Variants in SERINC5 observed in about 807,000 individuals in gnomAD.
SERINC5 encodes the protein chromosome 5 open reading frame 12.
A neutral mutation model predicts 63.1 loss-of-function variants in SERINC5; 41 were observed. The observed-to-expected ratio is 0.65, with a 90% CI of 0.51 to 0.84. SERINC5 has a LOEUF of 0.84. Ranked by LOEUF, SERINC5 falls within the 40% of genes least tolerant of loss-of-function variation. SERINC5 has a pLI of 0.00. For missense variants in SERINC5, 523 were observed against 573.0 expected (o/e 0.91, Z 0.89); for synonymous variants, 222 against 215.2 (o/e 1.03, Z -0.28).
At chr5:80,229,603 C>CAA (rs1373953469) in intron 1 of SERINC5, among the ~76,000 whole-genome samples, 1 of 151,176 alleles carries the variant, frequency 6.6e-6, no homozygotes, top group Non-Finnish European at 1.5e-5. Context: ...TACAAAAACA[C>CAA]AGACATTCTG....
At chr5:80,148,189 C>CT (rs796769914) in intron 9 of SERINC5, among the ~76,000 whole-genome samples, 3,958 of 102,322 alleles carry the variant, frequency 0.039, 199 homozygotes, top group African/African-American at 0.1. Flanking sequence ...ATTTTTTATT[C>CT]TTTTTTTTTT....
intron 1 of SERINC5, among the ~76,000 whole-genome samples, chr5:80,229,308 G>A (rs529253436): frequency 1.7e-4 from 26 of 149,514 alleles, no homozygotes; most frequent in Admixed American, 1.7e-3. Context: ...ACAGGGGTGA[G>A]CCACCATTCC....
At chr5:80,111,370 A>C (rs61127997), downstream of SERINC5, among the ~76,000 whole-genome samples, 11,971 of 152,232 alleles carry the variant, frequency 0.079, 1,546 homozygotes, top group African/African-American at 0.27. Context: ...GTCTTACAGA[A>C]GTAAAACAGG....
At chr5:80,112,080 G>A (rs1052885246) in intron 12 of SERINC5, among the ~76,000 whole-genome samples, 11 of 152,212 alleles carry the variant, frequency 7.2e-5, no homozygotes, top group African/African-American at 2.4e-4. Context: ...GACAGCCTGA[G>A]ATATGTCCTC....
intron 7 of SERINC5, among the ~76,000 whole-genome samples, chr5:80,160,328 A>G (rs1746802024): frequency 6.6e-6 from 1 of 152,190 alleles, no homozygotes; most frequent in South Asian, 2.1e-4. Flanking sequence ...GATTCCTATA[A>G]TATAACCATC....
At chr5:80,138,715 C>T, downstream of SERINC5, 1 of 654,674 alleles carries the variant, frequency 1.5e-6, no homozygotes, top group Non-Finnish European at 1.9e-6. Flanking sequence ...ATACATATTT[C>T]AAAACATCAT....
chr5:80,154,234 C>G (rs1318481637), intron 8 of SERINC5, among the ~76,000 whole-genome samples: 1 of 151,776 alleles, frequency 6.6e-6, no homozygotes, highest in Non-Finnish European at 1.5e-5. Context: ...GGCTGTAGTG[C>G]AATGGCTCGA....
chr5:80,170,899 TG>T (rs1747607529), intron 5 of SERINC5, among the ~76,000 whole-genome samples: 1 of 152,166 alleles, frequency 6.6e-6, no homozygotes, highest in South Asian at 2.1e-4. Context: ...CCCAGCTGCT[TG>T]GGAGACTGAG....
intron 2 of SERINC5, among the ~76,000 whole-genome samples, chr5:80,188,041 T>C (rs1748935033): frequency 6.6e-6 from 1 of 152,028 alleles, no homozygotes; most frequent in African/African-American, 2.4e-5. Flanking sequence ...TCCTAGCACT[T>C]TGGGAGGCCG....
chr5:80,181,494 C>T (rs149331712), intron 2 of SERINC5, among the ~76,000 whole-genome samples: 1 of 151,144 alleles, frequency 6.6e-6, no homozygotes, highest in Non-Finnish European at 1.5e-5. Context: ...AACTCCTAGA[C>T]TCAAGCAATC....
chr5:80,127,544 T>C (rs867414758), intron 11 of SERINC5, among the ~76,000 whole-genome samples: 8 of 152,206 alleles, frequency 5.3e-5, no homozygotes, highest in Non-Finnish European at 1.2e-4. Flanking sequence ...TGATACCACC[T>C]ACCTCCAAAA....
At chr5:80,207,011 ATT>A (rs965334099) in intron 1 of SERINC5, among the ~76,000 whole-genome samples, 2 of 150,550 alleles carry the variant, frequency 1.3e-5, no homozygotes, top group Non-Finnish European at 1.5e-5. Flanking sequence ...ATATATATAT[ATT>A]TTTTAGACGG....
intron 7 of SERINC5, among the ~76,000 whole-genome samples, chr5:80,165,786 G>A (rs1315102157): frequency 1.3e-5 from 2 of 152,092 alleles, no homozygotes; most frequent in Admixed American, 6.5e-5. Context: ...AGGTTATTTA[G>A]GCCTAAAAGC....
chr5:80,174,701 AG>A (rs1439402017), intron 5 of SERINC5, among the ~76,000 whole-genome samples: 8 of 152,104 alleles, frequency 5.3e-5, no homozygotes, highest in Non-Finnish European at 1.2e-4. Flanking sequence ...CAGGAGATCG[AG>A]ACCCGTACGA....
At chr5:80,239,775 A>C (rs1328797859) in intron 1 of SERINC5, among the ~76,000 whole-genome samples, 2 of 152,122 alleles carry the variant, frequency 1.3e-5, no homozygotes, top group Non-Finnish European at 2.9e-5. Flanking sequence ...AAGAAGAATT[A>C]AACCAGATCT....
chr5:80,163,332 C>T (rs1282787699), intron 7 of SERINC5, among the ~76,000 whole-genome samples: 2 of 152,114 alleles, frequency 1.3e-5, no homozygotes, highest in Non-Finnish European at 2.9e-5. Context: ...TTATTTCTTC[C>T]TCTTGCCTGA....
At chr5:80,160,454 C>A (rs1746808685) in intron 7 of SERINC5, among the ~76,000 whole-genome samples, 1 of 152,222 alleles carries the variant, frequency 6.6e-6, no homozygotes, top group South Asian at 2.1e-4. Context: ...CTAGAAACCA[C>A]TTTACAAACG....
intron 11 of SERINC5, among the ~76,000 whole-genome samples, chr5:80,121,826 T>C (rs75394094): frequency 6.6e-6 from 1 of 151,976 alleles, no homozygotes; most frequent in Non-Finnish European, 1.5e-5. Flanking sequence ...CAGGCTCTTT[T>C]AAACAACTAG....
chr5:80,113,640 GC>G, intron 11 of SERINC5: 1 of 279,472 alleles, frequency 3.6e-6, no homozygotes, highest in South Asian at 3.5e-5. Flanking sequence ...CATGGCAGCA[GC>G]AAGAGAAAAA....
Sources: gnomAD v4.1 joint callset for allele counts (sites outside exome capture counted in the v4.1 genomes callset) on GRCh38, gnomAD v4.1.1 for gene constraint, MANE v1.5 for transcripts, NCBI Gene and HGNC (gene_info 2026-07-23, HGNC 2026-07-21) for gene names.